The following TRRAP variants were observed in gnomAD, a reference collection of about 807,000 sequenced individuals.
The protein encoded by TRRAP is transformation/transcription domain associated protein.
TRRAP carries 41 observed loss-of-function variants against 438.8 expected under a neutral mutation model. That is an observed-to-expected ratio of 0.09 (90% CI 0.07 to 0.12). TRRAP has a LOEUF of 0.12. TRRAP is among the 10% of genes least tolerant of loss of function. The pLI, the probability that TRRAP is intolerant of heterozygous loss-of-function variation, is 1.00. For synonymous variants in TRRAP, 1,994 were observed against 1,962.9 expected, an observed-to-expected ratio of 1.02 and a Z score of -0.42; for missense variants, 3,122 against 5,055.1, an observed-to-expected ratio of 0.62 and a Z score of 11.60.
intron 51 of TRRAP, 49 bp downstream of exon 51, chr7:98,967,747 C>CT: frequency 6.4e-7 from 1 of 1,568,548 alleles, no homozygotes; most frequent in East Asian, 2.3e-5. Context: ...TGTGGGTTTT[C>CT]TGAGTTGGGG....
chr7:98,984,896 T>G, intron 61 of TRRAP, 48 bp from the exon 62 acceptor site: 1 of 1,263,614 alleles, frequency 7.9e-7, no homozygotes, highest in African/African-American at 1.5e-5. Context: ...GTTTTCATAT[T>G]GTTTAGAAAT....
chr7:98,972,908 G>A (rs915663841), intron 53 of TRRAP, among the ~76,000 whole-genome samples: 11 of 152,218 alleles, frequency 7.2e-5, no homozygotes, highest in African/African-American at 2.2e-4. Context: ...TCTGTGGGAT[G>A]GAGCGGGAAG....
At chr7:98,997,482 G>GAAAAAAAAAAAA (rs1562977777) in intron 67 of TRRAP, among the ~76,000 whole-genome samples, 1 of 39,298 alleles carries the variant, frequency 2.5e-5, no homozygotes, top group African/African-American at 1.1e-4. Flanking sequence ...CACTGCTGTT[G>GAAAAAAAAAAAA]CAAAAAAAAA....
At position 98,949,455 on chromosome 7, in the gene TRRAP, T is replaced by C; in HGVS notation, c.4827T>C (p.Asp1609=). 1.2e-6 allele frequency: 2 copies of C among 1,603,104 alleles called. No homozygotes were observed. The highest frequency in any genetic ancestry group is 1.7e-6 in the Non-Finnish European group (2 of 1,176,638). Residue 1609 remains aspartate (D), a synonymous_variant, in exon 36 of 73, where the codon GAT becomes GAC. Transcript: ENST00000456197. ...LKHKDARPLR[D]VLAANPNRFI... is the part of the protein sequence containing the mutation. ...ACAAAGACGCCAGACCTCTGCGGGA[T>C]GTGCTGGCTGCCAACCCCAACAGGT...
rs748157223 is a variant in TRRAP, at chr7:98,976,175, T to G, written c.7866T>G (p.Val2622=). 1.9e-6 allele frequency: 3 copies of G among 1,614,082 alleles called. No homozygotes were observed. Among genetic ancestry groups the G allele is most frequent in the South Asian group, 2.2e-5 (2 of 91,080 alleles). ...VKTGALLSAF[V]QLCHISTTLA... ...CTGGAGCGCTGCTCAGCGCTTTCGTTCAGCTGTGCCACATTTCCACGACGC... is the reference window on the plus strand; with the variant it reads ...CTGGAGCGCTGCTCAGCGCTTTCGTGCAGCTGTGCCACATTTCCACGACGC... Residue 2622 remains valine, a synonymous_variant, in exon 54 of 73, where the codon GTT becomes GTG. Transcript: ENST00000456197. This position sits in a 1 kb window ranked among gnomAD's most constrained non-coding sequence, Gnocchi z 4.6.
chr7:98,939,059 C>G (rs564060065), intron 30 of TRRAP, among the ~76,000 whole-genome samples: 147 of 152,252 alleles, frequency 9.7e-4, no homozygotes, highest in African/African-American at 3.4e-3. Context: ...CATCTGTTAG[C>G]TTTCTTTTGC....
chr7:98,896,088 A>G (rs781868430), intron 7 of TRRAP, among the ~76,000 whole-genome samples: 37 of 152,202 alleles, frequency 2.4e-4, no homozygotes, highest in Non-Finnish European at 4.6e-4. Flanking sequence ...AATAATTGTC[A>G]TAATTCATTT....
intron 21 of TRRAP, among the ~76,000 whole-genome samples, chr7:98,923,839 A>T (rs1415677759): frequency 6.6e-6 from 1 of 152,212 alleles, no homozygotes; most frequent in East Asian, 1.9e-4. Flanking sequence ...ATTTATATGT[A>T]CATAATTATT....
Position 99,011,594 on chromosome 7 carries a change from G to T in TRRAP, c.11337+59G>T. 3 of 1,558,404 alleles carry T rather than the reference G, an allele frequency of 1.9e-6. No individual in the cohort carries two copies. The South Asian group carries it at 3.7e-5, about 19-fold the overall frequency. On this transcript the variant is annotated intron_variant, in intron 72 of 72. Coordinates refer to ENST00000456197, the MANE Select transcript of TRRAP (RefSeq NM_001375524.1). The surrounding 1 kb of genome is among the most constrained non-coding windows in gnomAD (Gnocchi z 7.1). ...GCTAGAGCCACTCAGATGCCCGCGC[G>T]TCACGGCCTTGCAGGAGCTGCTGAT...
chr7:98,942,238 GC>G (rs1309790798), intron 30 of TRRAP, among the ~76,000 whole-genome samples: 1 of 152,170 alleles, frequency 6.6e-6, no homozygotes. Flanking sequence ...GGGAATTGTG[GC>G]CCTATGGCAC....
At chr7:98,958,162 T>G (rs1791713748) in intron 44 of TRRAP, 71 bp downstream of exon 44, 5 of 1,320,028 alleles carry the variant, frequency 3.8e-6, no homozygotes, top group Non-Finnish European at 5.2e-6. Flanking sequence ...CCCAGGAGGT[T>G]ATCTGTGGCA....
intron 58 of TRRAP, 31 bp from the exon 59 acceptor site, chr7:98,981,738 C>T (rs1217641192): frequency 6.3e-7 from 1 of 1,577,992 alleles, no homozygotes; most frequent in Non-Finnish European, 8.6e-7. Context: ...GAAGGCCCCT[C>T]ACGTCCTGTG....
At chr7:98,936,664 G>A (rs1342015018) in intron 28 of TRRAP, among the ~76,000 whole-genome samples, 3 of 152,130 alleles carry the variant, frequency 2.0e-5, no homozygotes, top group Non-Finnish European at 4.4e-5. Context: ...TGTTCAGATG[G>A]GCCTGTCCTG....
At chr7:98,951,057 A>ATG in intron 39 of TRRAP, 53 bp downstream of exon 39, 3 of 662,222 alleles carry the variant, frequency 4.5e-6, no homozygotes, top group South Asian at 2.5e-5. Context: ...GTGGATGAAC[A>ATG]TCTGTGTGTG....
intron 18 of TRRAP, among the ~76,000 whole-genome samples, chr7:98,914,718 CAAAAAAAAAA>C (rs71118646): frequency 9.0e-4 from 37 of 41,300 alleles, no homozygotes; most frequent in East Asian, 7.1e-3. Context: ...GACCCTGTCT[CAAAAAAAAAA>C]AAAAAAAAAA....
intron 39 of TRRAP, among the ~76,000 whole-genome samples, chr7:98,951,580 AC>A (rs1554418269): frequency 1.3e-5 from 2 of 152,116 alleles, no homozygotes; most frequent in African/African-American, 4.8e-5. Flanking sequence ...ATTGATCTTC[AC>A]TGTTAAAGGC....
chr7:98,940,387 G>A lies in TRRAP; in HGVS notation c.4405-2562G>A, dbSNP rs183297428. On this transcript the variant is annotated intron_variant, in intron 30 of 72. Coordinates refer to ENST00000456197, the MANE Select transcript of TRRAP (RefSeq NM_001375524.1). ...GTATTTTTAGTAGAGACGGGGCTTC[G>A]TCATGTTGGCCAGGCTGGTCTTAAA... 2.6e-3 allele frequency among the ~76,000 whole-genome samples: 392 copies of A among 150,072 alleles called. 4 individuals carry two copies. The highest frequency in any genetic ancestry group is 9.4e-3 in the African/African-American group (382 of 40,780).
At chr7:98,925,375 C>A in intron 22 of TRRAP, 112 bp downstream of exon 22, 1 of 1,423,800 alleles carries the variant, frequency 7.0e-7, no homozygotes, top group Non-Finnish European at 9.5e-7. Context: ...TGAAGTCCAG[C>A]AGATGCCATA....
At chr7:98,893,670 T>G in intron 5 of TRRAP, 128 bp from the exon 6 acceptor site, 2 of 819,414 alleles carry the variant, frequency 2.4e-6, no homozygotes, top group Non-Finnish European at 2.0e-6. Context: ...CTGTGTTCTG[T>G]GAGCTGATGA....
Sources: gnomAD v4.1 joint callset for allele counts (sites outside exome capture counted in the v4.1 genomes callset) on GRCh38, gnomAD v4.1.1 for gene constraint, Gnocchi (gnomAD v3.1) non-coding constraint, MANE v1.5 for transcripts, NCBI Gene and HGNC (gene_info 2026-07-23, HGNC 2026-07-21) for gene names.